Variants in ERGIC1 observed in about 807,000 individuals in gnomAD.
ERGIC1 encodes endoplasmic reticulum-golgi intermediate compartment 1.
A neutral mutation model predicts 38.3 loss-of-function variants in ERGIC1; 19 were observed. That is an observed-to-expected ratio of 0.50 (90% CI 0.35 to 0.73). The LOEUF (loss-of-function observed/expected upper bound fraction) is 0.73, where lower values mean the gene tolerates loss of function less well. ERGIC1 is among the 30% of genes least tolerant of loss of function. The probability of loss-of-function intolerance (pLI) is 0.01; values close to 1 mark genes in which losing one functional copy is unlikely to be tolerated. For synonymous variants in ERGIC1, 124 were observed against 157.6 expected (o/e 0.79, Z 1.60); for missense variants, 294 against 389.2 (o/e 0.76, Z 2.06).
chr5:172,906,793 C>T (rs1366986148), intron 3 of ERGIC1, among the ~76,000 whole-genome samples: 2 of 152,162 alleles, frequency 1.3e-5, no homozygotes, highest in African/African-American at 2.4e-5. Flanking sequence ...ACTGCCCCTT[C>T]AGCCGCCCCC....
At chr5:172,891,629 G>A (rs187380718) in intron 2 of ERGIC1, among the ~76,000 whole-genome samples, 21 of 152,042 alleles carry the variant, frequency 1.4e-4, no homozygotes, top group East Asian at 3.9e-4. Context: ...TAGTAGAGAC[G>A]AGGCTTCACC....
intron 8 of ERGIC1, 93 bp downstream of exon 8, chr5:172,932,629 T>C: frequency 7.8e-7 from 1 of 1,279,660 alleles, no homozygotes; most frequent in Non-Finnish European, 1.1e-6. Context: ...ACGCACTTTC[T>C]TCTGATTCCT....
intron 5 of ERGIC1, 46 bp from the exon 6 acceptor site, chr5:172,923,959 C>T: frequency 2.5e-6 from 4 of 1,572,752 alleles, no homozygotes; most frequent in African/African-American, 2.7e-5. Flanking sequence ...TGTTCCGCCC[C>T]CTGGAGAAGT....
chr5:172,905,718 C>T (rs935944485), intron 3 of ERGIC1, among the ~76,000 whole-genome samples: 5 of 140,212 alleles, frequency 3.6e-5, no homozygotes, highest in African/African-American at 1.3e-4. Flanking sequence ...GCACCACGAG[C>T]TAAAGCTCAG....
intron 1 of ERGIC1, among the ~76,000 whole-genome samples, chr5:172,836,249 G>C (rs1421673767): frequency 6.6e-6 from 1 of 152,266 alleles, no homozygotes; most frequent in East Asian, 1.9e-4. Flanking sequence ...TGGCTTGTGG[G>C]GGCAGGTAAG....
intron 1 of ERGIC1, among the ~76,000 whole-genome samples, chr5:172,835,222 A>G (rs1761005197): frequency 6.6e-6 from 1 of 152,208 alleles, no homozygotes; most frequent in Non-Finnish European, 1.5e-5. Context: ...TGAGGCAGCC[A>G]CACTTGGTGT....
rs1338553585 is a variant in ERGIC1, at chr5:172,952,519, AG to A, written c.*1704del. The stretch of plus-strand genomic sequence containing the variant: ...GAAATTCTTTTATGCATTTTTTTGA[AG>A]AAAAAAAAAAAAACAACTCTGAGGA... On this transcript the variant is annotated 3_prime_UTR_variant, in exon 10 of 10. Transcript: ENST00000393784. 2 of 95,262 alleles carry A rather than the reference AG, an allele frequency of 2.1e-5. No individual in the cohort carries two copies. The highest frequency in any genetic ancestry group is 3.8e-5 in the Non-Finnish European group (2 of 52,244). The allele number at this position is 95,262 out of a possible 1,614,324, so 5.9% of individuals were successfully genotyped here.
At chr5:172,839,227 C>T (rs1164031753) in intron 1 of ERGIC1, among the ~76,000 whole-genome samples, 7 of 131,122 alleles carry the variant, frequency 5.3e-5, no homozygotes, top group Middle Eastern at 4.5e-3. Flanking sequence ...GCCAACAGAG[C>T]GAGACTCTGT....
At chr5:172,888,821 T>C (rs1762484892) in intron 2 of ERGIC1, 61 bp downstream of exon 2, 1 of 1,402,244 alleles carries the variant, frequency 7.1e-7, no homozygotes. Flanking sequence ...GCCTGCTCTC[T>C]CTGTGCAGAT....
intron 1 of ERGIC1, among the ~76,000 whole-genome samples, chr5:172,848,753 TC>T (rs1255179731): frequency 6.6e-6 from 1 of 152,214 alleles, no homozygotes; most frequent in Non-Finnish European, 1.5e-5. Context: ...GCTGAGACCC[TC>T]CTGCAATGTG....
At position 172,875,685 on chromosome 5, in the gene ERGIC1, C is replaced by T. The variant is rs116417701; in HGVS notation, c.21-13014C>T. On this transcript the variant is annotated intron_variant, in intron 1 of 9. Transcript: ENST00000393784. The stretch of plus-strand genomic sequence containing the variant: ...TCACGGCTCACTAAAGCTCAAACTC[C>T]TGTGCTCAAGTGATCCTCCCACCTC... Among the ~76,000 whole-genome samples the T allele has an allele frequency of 8.0e-3, 1,221 of 152,248 alleles. 11 individuals are homozygous for T. Among genetic ancestry groups the T allele is most frequent in the Non-Finnish European group, 0.012 (821 of 68,014 alleles).
At position 172,932,435 on chromosome 5, in the gene ERGIC1, G is replaced by T; in HGVS notation, c.542-1G>T. 1 of 1,614,082 alleles carries T rather than the reference G, an allele frequency of 6.2e-7. No homozygotes were observed. The highest frequency in any genetic ancestry group is 1.3e-5 in the African/African-American group (1 of 75,068). On this transcript the variant is annotated splice_acceptor_variant, in intron 7 of 9. Coordinates refer to ENST00000393784, the MANE Select transcript of ERGIC1 (RefSeq NM_001031711.3). LOFTEE classifies it high-confidence loss of function. The stretch of plus-strand genomic sequence containing the variant: ...TTCATTCTGCTGTGTCCTTCCCGCA[G>T]CCCTGGCCTCCCACGACTACATCCT...
At chr5:172,884,002 T>G (rs149240615) in intron 1 of ERGIC1, among the ~76,000 whole-genome samples, 1 of 152,236 alleles carries the variant, frequency 6.6e-6, no homozygotes, top group African/African-American at 2.4e-5. Flanking sequence ...AAAAAGACGA[T>G]GTCTGCCAAA....
In ERGIC1 at chr5:172,914,798, G is replaced by T. The variant is rs771510814; in HGVS notation, c.335G>T (p.Gly112Val). 1.2e-6 allele frequency: 2 copies of T among 1,614,068 alleles called. No homozygotes were observed. The highest frequency in any genetic ancestry group is 2.2e-5 in the South Asian group (2 of 91,086). The change falls in exon 5 of 10, where the codon GGG (glycine) becomes GTG (valine). Residue 112 changes from glycine (G) to valine (V), a missense_variant. This residue lies in a region of ERGIC1 where 163 missense variants were observed against 225.8 expected (regional missense o/e 0.72). Transcript: ENST00000393784. ...TCCATGAAGATCCCGCTGAACAATG[G>T]GGCAGGCTGCCGCTTCGAGGGGCAG... ...DNSMKIPLNNGAGCRFEGQFS... is the reference protein window; with the variant it reads ...DNSMKIPLNNVAGCRFEGQFS...
At chr5:172,946,263 G>A (rs546809130) in intron 9 of ERGIC1, among the ~76,000 whole-genome samples, 1 of 152,336 alleles carries the variant, frequency 6.6e-6, no homozygotes, top group South Asian at 2.1e-4. Context: ...TGGGAACTAA[G>A]TGTCACGACT....
chr5:172,871,437 T>C (rs557342969), intron 1 of ERGIC1, among the ~76,000 whole-genome samples: 1 of 152,376 alleles, frequency 6.6e-6, no homozygotes, highest in African/African-American at 2.4e-5. Flanking sequence ...GATCTCCTTG[T>C]CTGATGAGCC....
chr5:172,863,380 G>T (rs1173369383), intron 1 of ERGIC1, among the ~76,000 whole-genome samples: 1 of 152,174 alleles, frequency 6.6e-6, no homozygotes, highest in Non-Finnish European at 1.5e-5. Flanking sequence ...TCTTCTGTGG[G>T]TGATTTGTGT....
rs138981045 is a variant in ERGIC1, at chr5:172,946,036, G to A, written c.766-4673G>A. Reference sequence around the variant, plus strand: ...CTGAGGCCCAGAAAGGCTCTCCCACGGCTAGAATTAGTAAGTGATGCCACG... The same window carrying A: ...CTGAGGCCCAGAAAGGCTCTCCCACAGCTAGAATTAGTAAGTGATGCCACG... On this transcript the variant is annotated intron_variant, in intron 9 of 9. Transcript: ENST00000393784. Among the ~76,000 whole-genome samples the A allele has an allele frequency of 3.7e-4, 56 of 152,316 alleles. 1 individual carries two copies. Among genetic ancestry groups the A allele is most frequent in the East Asian group, 3.1e-3 (16 of 5,180 alleles).
chr5:172,942,620 G>C (rs1764035777), intron 9 of ERGIC1, among the ~76,000 whole-genome samples: 1 of 152,196 alleles, frequency 6.6e-6, no homozygotes. Flanking sequence ...TTCAGGTCTG[G>C]AAATGTGCAA....
Sources: gnomAD v4.1 joint callset for allele counts (sites outside exome capture counted in the v4.1 genomes callset) on GRCh38, gnomAD v4.1.1 for gene constraint, gnomAD v4.1.1 regional missense constraint, MANE v1.5 for transcripts, NCBI Gene and HGNC (gene_info 2026-07-23, HGNC 2026-07-21) for gene names.